Variants in NKTR observed in about 807,000 individuals in gnomAD.
The protein encoded by NKTR is natural killer cell triggering receptor, also known as NK-tumor recognition protein.
A neutral mutation model predicts 156.3 loss-of-function variants in NKTR; 67 were observed. The ratio of observed to expected loss-of-function variants is 0.43; its 90% confidence interval spans 0.35 to 0.53. NKTR has a LOEUF of 0.53. Among genes scored for constraint, NKTR ranks in the 20% least tolerant of loss-of-function variants. The pLI, the probability that NKTR is intolerant of heterozygous loss-of-function variation, is 0.01. For missense variants in NKTR, 1,604 were observed against 1,730.9 expected (o/e 0.93, Z 1.30); for synonymous variants, 640 against 596.6 (o/e 1.07, Z -1.06).
chr3:42,602,877 C>G (rs1169871091), intron 2 of NKTR: 1 of 151,444 alleles, frequency 6.6e-6, no homozygotes, highest in Non-Finnish European at 1.5e-5. Flanking sequence ...ATTAGCTGGG[C>G]ATGGTGGCTC....
Position 42,638,710 on chromosome 3 carries a change from C to G in NKTR, c.3006C>G (p.Asp1002Glu). The change falls in exon 13 of 17, where the codon GAC becomes GAG. Residue 1002 changes from aspartate to glutamate, a missense_variant. Asp to Glu is a conservative substitution (Grantham distance 45). This residue lies in a region of NKTR where 1,255 missense variants were observed against 1,243.7 expected (regional missense o/e 1.01). Transcript: ENST00000232978. ...KVKEKLKGKK[D>E]KKHKAPKRKQ... The stretch of plus-strand genomic sequence containing the variant: ...AAGAGAAATTGAAAGGGAAAAAAGA[C>G]AAAAAGCATAAGGCTCCAAAACGAA... 6.2e-7 allele frequency: 1 copy of G among 1,612,872 alleles called. No individual in the cohort carries two copies. The highest frequency in any genetic ancestry group is 2.2e-5 in the East Asian group (1 of 44,872).
Position 42,639,765 on chromosome 3 carries a change from CT to C in NKTR, c.4046+18del. 6.5e-7 allele frequency: 1 copy of C among 1,537,570 alleles called. No individual in the cohort carries two copies. Among genetic ancestry groups the C allele is most frequent in the Non-Finnish European group, 8.9e-7 (1 of 1,126,358 alleles). On this transcript the variant is annotated intron_variant, in intron 13 of 16. Coordinates refer to ENST00000232978, the MANE Select transcript of NKTR (RefSeq NM_005385.4). ...TCATCTTATCGGTGAGCAATATTCT[CT>C]TTCCTTTCTTCTCCCAAGGAGAGTC...
rs1048405277 is a variant in NKTR, at chr3:42,635,207, T to A, written c.1018-14T>A. ...GAGGCATTTTTTAAAATACTATTGT[T>A]TTTGTTTTTAAAGCGCTATCACACA... On this transcript the variant is annotated splice_polypyrimidine_tract_variant and intron_variant, in intron 11 of 16. Transcript: ENST00000232978. The A allele has an allele frequency of 1.9e-6, 3 of 1,605,644 alleles. No individual in the cohort carries two copies. Among genetic ancestry groups the A allele is most frequent in the Non-Finnish European group, 2.5e-6 (3 of 1,176,868 alleles).
At chr3:42,624,837 T>G (rs976188028) in intron 6 of NKTR, among the ~76,000 whole-genome samples, 7 of 152,188 alleles carry the variant, frequency 4.6e-5, no homozygotes, top group Non-Finnish European at 7.4e-5. Context: ...TTATTAATTC[T>G]GGCTGTAATT....
At chr3:42,608,232 C>T (rs1011475792) in intron 2 of NKTR, among the ~76,000 whole-genome samples, 1 of 151,772 alleles carries the variant, frequency 6.6e-6, no homozygotes, top group African/African-American at 2.4e-5. Flanking sequence ...CTCAGGTAAT[C>T]CACCCACCTC....
At position 42,643,864 on chromosome 3, in the gene NKTR, G is replaced by C. The variant is rs764617565; in HGVS notation, c.4200-38G>C. 3.4e-6 allele frequency: 5 copies of C among 1,454,196 alleles called. No individual in the cohort carries two copies. The South Asian group carries it at 5.7e-5, about 17-fold the overall frequency. 90.1% of individuals were successfully genotyped at this position (1,454,196 alleles called of 1,614,324 possible). On this transcript the variant is annotated intron_variant, in intron 15 of 16. Transcript: ENST00000232978. Reference sequence around the variant, plus strand: ...GAAATAGGAACATATGAGTATCTGAGTGGGAAAATTTAGTGTTTGTTGTTG... The same window carrying C: ...GAAATAGGAACATATGAGTATCTGACTGGGAAAATTTAGTGTTTGTTGTTG...
chr3:42,617,737 G>A (rs918544322), intron 3 of NKTR, 93 bp downstream of exon 3: 5 of 619,928 alleles, frequency 8.1e-6, no homozygotes, highest in South Asian at 2.0e-5. Flanking sequence ...TAATGGACTC[G>A]TGAAATTAGT....
intron 6 of NKTR, chr3:42,627,381 T>C: frequency 1.0e-6 from 1 of 985,600 alleles, no homozygotes; most frequent in Non-Finnish European, 1.2e-6. Flanking sequence ...TTATTTTTCA[T>C]GGTTAATCCT....
intron 8 of NKTR, 56 bp from the exon 9 acceptor site, chr3:42,632,545 T>A: frequency 9.5e-7 from 1 of 1,050,164 alleles, no homozygotes; most frequent in South Asian, 1.5e-5. Context: ...CATTTTTTAC[T>A]CTGAAAGGTA....
chr3:42,629,241 T>C, intron 6 of NKTR: 1 of 979,616 alleles, frequency 1.0e-6, no homozygotes, highest in Non-Finnish European at 1.2e-6. Flanking sequence ...TGCTGCCTGT[T>C]TTTATTTTTA....
intron 2 of NKTR, among the ~76,000 whole-genome samples, chr3:42,607,556 T>C (rs1176634004): frequency 6.6e-6 from 1 of 151,480 alleles, no homozygotes; most frequent in East Asian, 1.9e-4. Context: ...GGCCAACAAA[T>C]GAAAACCAAA....
At chr3:42,627,958 ATAG>A in intron 6 of NKTR, 7 of 985,350 alleles carry the variant, frequency 7.1e-6, no homozygotes, top group Non-Finnish European at 8.4e-6. Flanking sequence ...GTAGAATTGA[ATAG>A]TCTGGATTGT....
At chr3:42,628,128 T>C in intron 6 of NKTR, 1 of 984,852 alleles carries the variant, frequency 1.0e-6, no homozygotes, top group Non-Finnish European at 1.2e-6. Flanking sequence ...TGTTAAATAC[T>C]TTTAGTATTC....
chr3:42,647,799 G>A lies in NKTR; in HGVS notation c.*1824G>A, dbSNP rs141805837. 2.0e-4 allele frequency: 31 copies of A among 152,302 alleles called. No individual in the cohort carries two copies. Among genetic ancestry groups the A allele is most frequent in the East Asian group, 9.6e-4 (5 of 5,186 alleles). 9.4% of individuals were successfully genotyped at this position (152,302 alleles called of 1,614,324 possible). A position where few individuals can be genotyped will look rare whatever the true frequency, so the allele number is the denominator to read the frequency against. On this transcript the variant is annotated 3_prime_UTR_variant, in exon 17 of 17. Transcript: ENST00000232978. ...TTAAGAAAAGTTACCCTTGGGCAGT[G>A]TATTAGTTTTCTATTGCTGTGTGAC...
chr3:42,619,052 A>T lies in NKTR; in HGVS notation c.166A>T (p.Lys56Ter). 6.2e-7 allele frequency: 1 copy of T among 1,603,810 alleles called. No individual in the cohort carries two copies. Among genetic ancestry groups the T allele is most frequent in the Non-Finnish European group, 8.5e-7 (1 of 1,176,374 alleles). ...AGGCCTTGGGAAAACAACTGGGAAG[A>T]AGTTATGTTATAAAGGTTCTACGTT... The part of the protein sequence containing the change: ...EKGLGKTTGK[K>*]LCYKGSTFHR... The change falls in exon 4 of 17, where the codon AAG (lysine) becomes TAG (stop). Residue 56 changes from lysine (K) to a stop codon, truncating the protein, a stop_gained. Coordinates refer to ENST00000232978, the MANE Select transcript of NKTR (RefSeq NM_005385.4). LOFTEE classifies it high-confidence loss of function.
chr3:42,609,745 T>C (rs1706581876), intron 2 of NKTR, among the ~76,000 whole-genome samples: 2 of 152,236 alleles, frequency 1.3e-5, no homozygotes, highest in African/African-American at 4.8e-5. Context: ...TGGAGTTTTG[T>C]TTTTATAGAT....
chr3:42,636,763 T>A (rs935172150), intron 12 of NKTR, 105 bp from the exon 13 acceptor site: 2 of 1,442,936 alleles, frequency 1.4e-6, no homozygotes, highest in Non-Finnish European at 1.8e-6. Context: ...TGCGTGTGCT[T>A]AAAGTGTTAA....
At position 42,639,317 on chromosome 3, in the gene NKTR, G is replaced by A; in HGVS notation, c.3613G>A (p.Gly1205Arg). ...CAGCTCTGCTAGCTTGGCTAGTGCT[G>A]GAGAAAGTACCGGGAAGAAGGAGGT... Reference protein sequence around the residue: ...DSSSASLASAGESTGKKEVAE... With the variant: ...DSSSASLASARESTGKKEVAE... The change falls in exon 13 of 17, where the codon GGA becomes AGA. Residue 1205 changes from glycine to arginine, a missense_variant. Around this residue, in one of 6 missense-constraint regions of NKTR, gnomAD observed 1,255 missense variants for 1,243.7 expected, o/e 1.01. Transcript: ENST00000232978. The A allele has an allele frequency of 4.3e-6, 7 of 1,614,156 alleles. No homozygotes were observed. The highest frequency in any genetic ancestry group is 1.6e-4 in the Middle Eastern group (1 of 6,062).
intron 6 of NKTR, among the ~76,000 whole-genome samples, chr3:42,621,915 T>C (rs1205143444): frequency 6.6e-6 from 1 of 151,962 alleles, no homozygotes; most frequent in Non-Finnish European, 1.5e-5. Flanking sequence ...GGAAAGCAGT[T>C]TGAGTAAACC....
Sources: gnomAD v4.1 joint callset for allele counts (sites outside exome capture counted in the v4.1 genomes callset) on GRCh38, gnomAD v4.1.1 for gene constraint, gnomAD v4.1.1 regional missense constraint, MANE v1.5 for transcripts, NCBI Gene and HGNC (gene_info 2026-07-23, HGNC 2026-07-21) for gene names.